KIF2A: variants seen among roughly 807,000 people sequenced by gnomAD.
KIF2A encodes the protein kinesin family member 2A, also known as kinesin-like protein KIF2A.
KIF2A carries 22 observed loss-of-function variants against 100.2 expected under a neutral mutation model. The ratio of observed to expected loss-of-function variants is 0.22; its 90% confidence interval spans 0.16 to 0.31. The LOEUF is 0.31. Ranked by LOEUF, KIF2A falls within the 10% of genes least tolerant of loss-of-function variation. The probability of loss-of-function intolerance (pLI) is 1.00; values close to 1 mark genes in which losing one functional copy is unlikely to be tolerated. For synonymous variants in KIF2A, 268 were observed against 285.9 expected, an observed-to-expected ratio of 0.94 and a Z score of 0.63; for missense variants, 495 against 898.7, an observed-to-expected ratio of 0.55 and a Z score of 5.74.
chr5:62,363,405 A>G (rs916058653), intron 13 of KIF2A, 85 bp downstream of exon 13: 14 of 1,243,206 alleles, frequency 1.1e-5, no homozygotes, highest in Admixed American at 2.6e-5. Context: ...TTATCTATCA[A>G]TACATCTTGG....
intron 16 of KIF2A, among the ~76,000 whole-genome samples, chr5:62,366,693 T>C (rs111857559): frequency 6.6e-6 from 1 of 151,932 alleles, no homozygotes; most frequent in African/African-American, 2.4e-5. Context: ...TAGCCAGGCA[T>C]GGTGGTGGGT....
intron 11 of KIF2A, among the ~76,000 whole-genome samples, chr5:62,361,961 A>G (rs1307152067): frequency 6.6e-6 from 1 of 151,770 alleles, no homozygotes. Context: ...GAACCCAGGA[A>G]GCAGAGGTTG....
chr5:62,355,288 T>C, intron 7 of KIF2A, 34 bp downstream of exon 7: 1 of 1,058,834 alleles, frequency 9.4e-7, no homozygotes. Flanking sequence ...TTCTGGAACT[T>C]TTTATGCTTC....
intron 4 of KIF2A, among the ~76,000 whole-genome samples, chr5:62,350,802 C>A (rs887665088): frequency 5.3e-5 from 8 of 151,562 alleles, no homozygotes; most frequent in African/African-American, 1.9e-4. Context: ...ATCCCAGCTA[C>A]TTGGGAGGCT....
Position 62,375,530 on chromosome 5 carries a change from C to T in KIF2A, c.1911+1693C>T, listed in dbSNP as rs376143934. On this transcript the variant is annotated intron_variant, in intron 18 of 20. Coordinates refer to ENST00000407818, the MANE Select transcript of KIF2A (RefSeq NM_001098511.3). Reference sequence around the variant, plus strand: ...GATTGAAATTTAGATCTTATTCCAGCGCCAAACCTTGTATCAATTAAACTC... The same window carrying T: ...GATTGAAATTTAGATCTTATTCCAGTGCCAAACCTTGTATCAATTAAACTC... Among the ~76,000 whole-genome samples, 167 of 152,288 alleles carry T rather than the reference C, an allele frequency of 1.1e-3. 1 individual carries two copies. In the South Asian group the frequency reaches 0.027, roughly 25 times the overall value.
chr5:62,337,994 TA>T (rs1259369944), intron 1 of KIF2A, among the ~76,000 whole-genome samples: 2 of 152,140 alleles, frequency 1.3e-5, no homozygotes, highest in Non-Finnish European at 2.9e-5. Context: ...TTCTAAAGTT[TA>T]TACAGACATG....
intron 1 of KIF2A, among the ~76,000 whole-genome samples, chr5:62,322,872 T>TC (rs1746170575): frequency 6.9e-6 from 1 of 144,646 alleles, no homozygotes; most frequent in South Asian, 2.1e-4. Context: ...GGGTTTTTTT[T>TC]TTTAATGATC....
chr5:62,320,693 A>T (rs1044943444), intron 1 of KIF2A, among the ~76,000 whole-genome samples: 2 of 152,218 alleles, frequency 1.3e-5, no homozygotes, highest in African/African-American at 4.8e-5. Context: ...ATAGAAAAAT[A>T]AAGAGTATAT....
chr5:62,386,888 C>T lies in KIF2A; in HGVS notation c.*1319C>T, dbSNP rs1283370357. On this transcript the variant is annotated 3_prime_UTR_variant, in exon 21 of 21. Transcript: ENST00000407818. The stretch of plus-strand genomic sequence containing the variant: ...TTTGTTCAAAGATTTGTATATCTCT[C>T]TAGGAGTTTTCCCTCAGTTCCCAGG... 6.6e-6 allele frequency among the ~76,000 whole-genome samples: 1 copy of T among 152,216 alleles called. No homozygotes were observed. Among genetic ancestry groups the T allele is most frequent in the African/African-American group, 2.4e-5 (1 of 41,458 alleles).
chr5:62,371,719 A>G (rs1741337874), intron 16 of KIF2A, among the ~76,000 whole-genome samples: 1 of 152,226 alleles, frequency 6.6e-6, no homozygotes, highest in South Asian at 2.1e-4. Flanking sequence ...GGTACTTAAT[A>G]AATATTTTAT....
At chr5:62,308,582 A>G (rs1314948366) in intron 1 of KIF2A, 1 of 701,906 alleles carries the variant, frequency 1.4e-6, no homozygotes, top group Non-Finnish European at 2.6e-6. Flanking sequence ...TGTACAATGG[A>G]ACATTATTCA....
intron 19 of KIF2A, among the ~76,000 whole-genome samples, chr5:62,379,349 T>C (rs1430809010): frequency 6.6e-6 from 1 of 151,198 alleles, no homozygotes; most frequent in East Asian, 2.0e-4. Context: ...AGTGTACAGC[T>C]AAAGGAAAAG....
chr5:62,335,948 A>C (rs1353791553), intron 1 of KIF2A, among the ~76,000 whole-genome samples: 1 of 152,224 alleles, frequency 6.6e-6, no homozygotes, highest in African/African-American at 2.4e-5. Flanking sequence ...ATTTTATATA[A>C]CAATGTAAAC....
At position 62,377,693 on chromosome 5, in the gene KIF2A, C is replaced by T; in HGVS notation, c.1944C>T (p.Phe648=). 2 of 1,554,590 alleles carry T rather than the reference C, an allele frequency of 1.3e-6. No homozygotes were observed. Among genetic ancestry groups the T allele is most frequent in the African/African-American group, 2.7e-5 (2 of 73,388 alleles). ...EEEVSPQLFT[F]HEAVSQMVEM... is the part of the protein sequence containing the mutation. ...AAGTCTCTCCACAGTTGTTTACTTT[C>T]CACGAAGCTGTTTCACAAATGGTAG... Residue 648 remains phenylalanine, a synonymous_variant, in exon 19 of 21, where the codon TTC becomes TTT. Transcript: ENST00000407818.
chr5:62,325,312 TG>T (rs1310459153), intron 1 of KIF2A, among the ~76,000 whole-genome samples: 2 of 151,876 alleles, frequency 1.3e-5, no homozygotes, highest in African/African-American at 4.8e-5. Flanking sequence ...ATAGTAGAGA[TG>T]GGGTTTCGCC....
chr5:62,350,863 G>C (rs1322236373), intron 4 of KIF2A, among the ~76,000 whole-genome samples: 1 of 150,452 alleles, frequency 6.6e-6, no homozygotes, highest in Non-Finnish European at 1.5e-5. Flanking sequence ...AGTAAGCCAA[G>C]ATCGCACGAC....
At chr5:62,358,679 ATGTT>A (rs1239335163) in intron 9 of KIF2A, among the ~76,000 whole-genome samples, 5 of 152,144 alleles carry the variant, frequency 3.3e-5, no homozygotes, top group African/African-American at 1.2e-4. Flanking sequence ...GAAACTTGAA[ATGTT>A]TGTTTGAGGC....
chr5:62,338,320 G>T (rs1476488974), intron 1 of KIF2A, among the ~76,000 whole-genome samples: 1 of 152,158 alleles, frequency 6.6e-6, no homozygotes, highest in Non-Finnish European at 1.5e-5. Flanking sequence ...TCGGAGTCTT[G>T]CTGTGTCACC....
rs530853929 is a variant in KIF2A, at chr5:62,378,948, A to G, written c.2013+1186A>G. 2.0e-5 allele frequency among the ~76,000 whole-genome samples: 3 copies of G among 152,178 alleles called. No individual in the cohort carries two copies. The South Asian group carries it at 6.2e-4, about 32-fold the overall frequency. On this transcript the variant is annotated intron_variant, in intron 19 of 20. Coordinates refer to ENST00000407818, the MANE Select transcript of KIF2A (RefSeq NM_001098511.3). ...GAGTTTTAGTCAAACTGTTATTATG[A>G]GACTCTCTTTAGAAGCCAAGGTGTT...
Sources: gnomAD v4.1 joint callset for allele counts (sites outside exome capture counted in the v4.1 genomes callset) on GRCh38, gnomAD v4.1.1 for gene constraint, MANE v1.5 for transcripts, NCBI Gene and HGNC (gene_info 2026-07-23, HGNC 2026-07-21) for gene names.